Variants in EDNRB observed in about 807,000 individuals in gnomAD.
EDNRB encodes the protein endothelin receptor type B, also known as Hirschsprung disease 2.
A neutral mutation model predicts 46.4 loss-of-function variants in EDNRB; 18 were observed. The ratio of observed to expected loss-of-function variants is 0.39; its 90% CI spans 0.27 to 0.57. The LOEUF (loss-of-function observed/expected upper bound fraction) is 0.57, where lower values mean the gene tolerates loss of function less well. EDNRB is among the 20% of genes least tolerant of loss of function. The pLI is 0.61. For synonymous variants in EDNRB, 213 were observed against 204.9 expected (o/e 1.04, Z -0.34); for missense variants, 434 against 537.5 (o/e 0.81, Z 1.90).
upstream of EDNRB, among the ~76,000 whole-genome samples, chr13:77,923,351 A>G (rs560440712): frequency 4.0e-4 from 61 of 152,306 alleles, no homozygotes; most frequent in African/African-American, 1.4e-3. Flanking sequence ...AACCTGGTCT[A>G]CAAACTTCTT....
intron 1 of EDNRB, among the ~76,000 whole-genome samples, chr13:77,960,641 A>C (rs1881379995): frequency 6.6e-6 from 1 of 152,168 alleles, no homozygotes; most frequent in Admixed American, 6.5e-5. Context: ...AATGAGCAAA[A>C]TAACCAGTTA....
At chr13:77,911,795 G>A (rs916484670) in intron 1 of EDNRB, among the ~76,000 whole-genome samples, 2 of 151,968 alleles carry the variant, frequency 1.3e-5, no homozygotes, top group African/African-American at 4.8e-5. Context: ...ATAATAAAAA[G>A]TCTAAAATTA....
At chr13:77,953,630 T>G (rs971704094) in intron 1 of EDNRB, among the ~76,000 whole-genome samples, 1 of 152,136 alleles carries the variant, frequency 6.6e-6, no homozygotes, top group African/African-American at 2.4e-5. Flanking sequence ...AGCAAATCAA[T>G]TTGCATACAG....
chr13:77,910,228 T>C (rs566271188), intron 1 of EDNRB, among the ~76,000 whole-genome samples: 1 of 152,148 alleles, frequency 6.6e-6, no homozygotes, highest in African/African-American at 2.4e-5. Flanking sequence ...TTTGCCAGAC[T>C]GCAGTCTATT....
chr13:77,932,416 T>A (rs1007104665), intron 1 of EDNRB, among the ~76,000 whole-genome samples: 1 of 152,250 alleles, frequency 6.6e-6, no homozygotes, highest in African/African-American at 2.4e-5. Flanking sequence ...GGCTTCCATC[T>A]ATTGAGATCT....
At chr13:77,910,292 G>A (rs1038208054) in intron 1 of EDNRB, among the ~76,000 whole-genome samples, 5 of 151,926 alleles carry the variant, frequency 3.3e-5, no homozygotes, top group African/African-American at 1.2e-4. Context: ...TTATATAAAT[G>A]TTTTCACAGT....
intron 1 of EDNRB, among the ~76,000 whole-genome samples, chr13:77,946,451 T>C (rs1157847688): frequency 2.6e-5 from 4 of 152,240 alleles, no homozygotes; most frequent in Non-Finnish European, 4.4e-5. Flanking sequence ...ATATTTAATA[T>C]AGTTTCCTTT....
At chr13:77,944,292 A>G (rs1880839054) in intron 1 of EDNRB, among the ~76,000 whole-genome samples, 1 of 152,116 alleles carries the variant, frequency 6.6e-6, no homozygotes, top group Non-Finnish European at 1.5e-5. Flanking sequence ...GAACCAATCT[A>G]ACATAAGGGC....
intron 1 of EDNRB, among the ~76,000 whole-genome samples, chr13:77,946,402 T>G (rs1880917977): frequency 6.6e-6 from 1 of 152,162 alleles, no homozygotes; most frequent in Non-Finnish European, 1.5e-5. Context: ...CTTTCAATGG[T>G]TTAGAAGCTT....
Position 77,918,261 on chromosome 13 carries a change from T to C in EDNRB, c.313A>G (p.Thr105Ala). Residue 105 changes from threonine to alanine, a missense_variant, in exon 1 of 7, where the codon ACG becomes GCG. By Grantham distance (58) the Thr-to-Ala change is moderately conservative. Coordinates refer to ENST00000646607, the MANE Select transcript of EDNRB (RefSeq NM_001122659.3). The surrounding 1 kb of genome is among the most constrained non-coding windows in gnomAD (Gnocchi z 4.5). ...EIKETFKYIN[T>A]VVSCLVFVLG... is the part of the protein sequence containing the mutation. ...ACGAACACAAGGCAGGACACAACCG[T>C]GTTGATGTATTTGAAAGTCTCCTTG... The C allele has an allele frequency of 1.2e-6, 2 of 1,613,856 alleles. No individual in the cohort carries two copies. The highest frequency in any genetic ancestry group is 2.2e-5 in the East Asian group (1 of 44,846).
chr13:77,950,740 A>T (rs1437450381), intron 1 of EDNRB, among the ~76,000 whole-genome samples: 1 of 152,196 alleles, frequency 6.6e-6, no homozygotes, highest in African/African-American at 2.4e-5. Flanking sequence ...TTCCAGTAGG[A>T]GGCTCTTTCT....
At chr13:77,950,986 A>C (rs571748424) in intron 1 of EDNRB, among the ~76,000 whole-genome samples, 1 of 152,190 alleles carries the variant, frequency 6.6e-6, no homozygotes, top group Non-Finnish European at 1.5e-5. Context: ...AGGATAAGAG[A>C]GGTTTTTAAG....
At chr13:77,917,607 G>A (rs1332310563) in intron 1 of EDNRB, among the ~76,000 whole-genome samples, 1 of 152,110 alleles carries the variant, frequency 6.6e-6, no homozygotes, top group African/African-American at 2.4e-5. Flanking sequence ...GACTGTCCAT[G>A]GACCACACAC....
In EDNRB at chr13:77,957,810, G is replaced by T. The variant is rs184600061; in HGVS notation, c.-52+17537C>A. On this transcript the variant is annotated intron_variant, in intron 1 of 7. Coordinates refer to the EDNRB transcript ENST00000646948. ...ATATTTCACAGCATTCACGACTTTGGGTAATTTTGAAAACTTCAGACCAGG... is the reference window on the plus strand; with the variant it reads ...ATATTTCACAGCATTCACGACTTTGTGTAATTTTGAAAACTTCAGACCAGG... 3.0e-4 allele frequency among the ~76,000 whole-genome samples: 46 copies of T among 152,176 alleles called. No individual in the cohort carries two copies. The East Asian group carries it at 8.9e-3, about 29-fold the overall frequency.
At chr13:77,936,058 T>C (rs1239049829) in intron 1 of EDNRB, among the ~76,000 whole-genome samples, 1 of 152,160 alleles carries the variant, frequency 6.6e-6, no homozygotes, top group East Asian at 1.9e-4. Context: ...TAAAGCATGC[T>C]GTGGGATGGG....
At chr13:77,964,590 G>A (rs1347643894) in intron 1 of EDNRB, among the ~76,000 whole-genome samples, 2 of 152,130 alleles carry the variant, frequency 1.3e-5, no homozygotes, top group African/African-American at 2.4e-5. Context: ...AGAACACTCG[G>A]ACACAGGAAG....
At chr13:77,975,127 C>T (rs1881849242) in intron 1 of EDNRB, among the ~76,000 whole-genome samples, 1 of 152,162 alleles carries the variant, frequency 6.6e-6, no homozygotes, top group Non-Finnish European at 1.5e-5. Context: ...CAAGTCAAAT[C>T]AAAAACAGAA....
intron 1 of EDNRB, among the ~76,000 whole-genome samples, chr13:77,913,478 T>G (rs1879673186): frequency 6.6e-6 from 1 of 152,158 alleles, no homozygotes; most frequent in Admixed American, 6.6e-5. Flanking sequence ...ATGTGGATAT[T>G]GGTATTTGTC....
At chr13:77,953,560 T>G (rs1439759076) in intron 1 of EDNRB, among the ~76,000 whole-genome samples, 1 of 152,136 alleles carries the variant, frequency 6.6e-6, no homozygotes, top group Non-Finnish European at 1.5e-5. Flanking sequence ...TACTATCTGT[T>G]GGGTTAGAGG....
Sources: allele counts gnomAD v4.1 joint callset (sites outside exome capture counted in the v4.1 genomes callset), GRCh38; gene constraint gnomAD v4.1.1; non-coding constraint Gnocchi (gnomAD v3.1); transcripts MANE v1.5; gene names NCBI Gene and HGNC (gene_info 2026-07-23, HGNC 2026-07-21).